Variants in PTPRK observed in about 807,000 individuals in gnomAD.
PTPRK encodes the protein receptor-type tyrosine-protein phosphatase kappa.
Under a neutral mutation model 178.0 loss-of-function variants are expected in PTPRK, and 75 were observed. The ratio of observed to expected loss-of-function variants is 0.42; its 90% CI spans 0.35 to 0.51. The LOEUF is 0.51. Among genes scored for constraint, PTPRK ranks in the 20% least tolerant of loss-of-function variants. PTPRK has a pLI of 0.02. For synonymous variants in PTPRK, 637 were observed against 620.6 expected (o/e 1.03, Z -0.39); for missense variants, 1,441 against 1,797.8 (o/e 0.80, Z 3.59).
chr6:127,971,686 G>A (rs751776270), intron 29 of PTPRK, among the ~76,000 whole-genome samples: 3 of 151,998 alleles, frequency 2.0e-5, no homozygotes, highest in East Asian at 1.9e-4. Flanking sequence ...GTAACTTTTT[G>A]GAAGGTCCCA....
intron 13 of PTPRK, among the ~76,000 whole-genome samples, chr6:128,052,130 T>C (rs1393189531): frequency 6.6e-6 from 1 of 152,330 alleles, no homozygotes; most frequent in Admixed American, 6.5e-5. Context: ...AATTCACTTA[T>C]ATGTTGGAAA....
intron 2 of PTPRK, among the ~76,000 whole-genome samples, chr6:128,375,593 C>T (rs893667696): frequency 7.9e-5 from 12 of 152,168 alleles, no homozygotes; most frequent in South Asian, 2.1e-4. Flanking sequence ...CCGGCCCCTC[C>T]GAAATCTCAT....
chr6:128,508,776 C>T (rs533330936), intron 1 of PTPRK, among the ~76,000 whole-genome samples: 1 of 151,952 alleles, frequency 6.6e-6, no homozygotes, highest in Non-Finnish European at 1.5e-5. Context: ...AATCCCGCCT[C>T]TACTAAAAAC....
chr6:128,235,151 GATA>G (rs1379053869), intron 5 of PTPRK, among the ~76,000 whole-genome samples: 1 of 151,830 alleles, frequency 6.6e-6, no homozygotes, highest in Non-Finnish European at 1.5e-5. Flanking sequence ...AGTATGTATT[GATA>G]ATAATTTGAT....
chr6:128,311,228 G>C (rs780351817), intron 3 of PTPRK, among the ~76,000 whole-genome samples: 1 of 152,070 alleles, frequency 6.6e-6, no homozygotes, highest in African/African-American at 2.4e-5. Flanking sequence ...TGCGAACAAC[G>C]CAACTTCATA....
chr6:128,389,538 AGAG>A (rs1839262504), intron 2 of PTPRK, among the ~76,000 whole-genome samples: 1 of 151,258 alleles, frequency 6.6e-6, no homozygotes, highest in East Asian at 1.9e-4. Flanking sequence ...TTATTTTTGG[AGAG>A]GAGAAGTATA....
rs578034379 is a variant in PTPRK at position 128,221,523 on chromosome 6, C to CA, written c.694-2428dup. 3.7e-3 allele frequency among the ~76,000 whole-genome samples: 456 copies of CA among 122,310 alleles called. 2 individuals are homozygous for CA. The highest frequency in any genetic ancestry group is 0.019 in the East Asian group (81 of 4,282). The allele number at this position is 122,310 out of a possible 152,430, so 80.2% of individuals were successfully genotyped here. A position where few individuals can be genotyped will look rare whatever the true frequency, so the allele number is the denominator to read the frequency against. On this transcript the variant is annotated intron_variant, in intron 5 of 29. Transcript: ENST00000368226. ...TGGGTGATAGAGCAAGATTCTGTCT[C>CA]AAAAAAAAAAAAAATAATAATAATA...
chr6:128,476,347 A>G (rs116481898), intron 1 of PTPRK, among the ~76,000 whole-genome samples: 166 of 152,202 alleles, frequency 1.1e-3, no homozygotes, highest in African/African-American at 3.9e-3. Context: ...TGTATATCAA[A>G]TCATCATATT....
intron 2 of PTPRK, among the ~76,000 whole-genome samples, chr6:128,351,701 A>G (rs1833159887): frequency 6.6e-6 from 1 of 152,330 alleles, no homozygotes; most frequent in East Asian, 1.9e-4. Context: ...GAAATCGTGC[A>G]ATGAAACTTA....
chr6:128,255,873 C>T (rs1431236713), intron 3 of PTPRK, among the ~76,000 whole-genome samples: 1 of 152,168 alleles, frequency 6.6e-6, no homozygotes, highest in Non-Finnish European at 1.5e-5. Context: ...ATGACAGTTT[C>T]AATCCTATAG....
chr6:128,278,181 G>A (rs1222666255), intron 3 of PTPRK, among the ~76,000 whole-genome samples: 4 of 150,352 alleles, frequency 2.7e-5, no homozygotes, highest in African/African-American at 9.8e-5. Context: ...ATTTGAGACG[G>A]AGTCTCGCAC....
At chr6:128,491,180 C>A (rs1393914701) in intron 1 of PTPRK, among the ~76,000 whole-genome samples, 1 of 152,294 alleles carries the variant, frequency 6.6e-6, no homozygotes, top group Non-Finnish European at 1.5e-5. Context: ...TTAGGCTAAG[C>A]CCCATTAAAT....
chr6:127,986,333 G>C (rs1775974764), intron 21 of PTPRK, among the ~76,000 whole-genome samples: 1 of 152,198 alleles, frequency 6.6e-6, no homozygotes, highest in Non-Finnish European at 1.5e-5. Flanking sequence ...AAATGGTTTT[G>C]AAGCATAGCA....
At chr6:128,439,942 T>C (rs1414181405) in intron 1 of PTPRK, among the ~76,000 whole-genome samples, 1 of 152,236 alleles carries the variant, frequency 6.6e-6, no homozygotes, top group Admixed American at 6.5e-5. Flanking sequence ...TTGAGTTAGC[T>C]GCCTGTAGAA....
At chr6:128,325,821 A>C (rs1829475057) in intron 2 of PTPRK, among the ~76,000 whole-genome samples, 1 of 152,202 alleles carries the variant, frequency 6.6e-6, no homozygotes, top group Non-Finnish European at 1.5e-5. Context: ...ATTACTATGT[A>C]TATATCCAAA....
At chr6:128,131,681 G>T (rs1277112351) in intron 7 of PTPRK, among the ~76,000 whole-genome samples, 1 of 152,150 alleles carries the variant, frequency 6.6e-6, no homozygotes, top group Non-Finnish European at 1.5e-5. Context: ...GTATCATTGT[G>T]CTTGTTTTAA....
chr6:128,278,136 T>TTTA (rs1486598641), intron 3 of PTPRK, among the ~76,000 whole-genome samples: 2 of 133,790 alleles, frequency 1.5e-5, no homozygotes, highest in African/African-American at 2.7e-5. Context: ...TATTTATTTA[T>TTTA]TTATTTATTT....
At chr6:128,396,958 A>T (rs527814213) in intron 2 of PTPRK, among the ~76,000 whole-genome samples, 9 of 152,202 alleles carry the variant, frequency 5.9e-5, no homozygotes, top group Non-Finnish European at 1.2e-4. Flanking sequence ...AGATCAGGCC[A>T]CTGCATTCCA....
chr6:128,514,370 ATGTG>A (rs146438569), intron 1 of PTPRK, among the ~76,000 whole-genome samples: 3,625 of 148,340 alleles, frequency 0.024, 38 homozygotes, highest in Non-Finnish European at 0.03. Context: ...CATTGTTAAG[ATGTG>A]TGTGTGTGTG....
Sources: allele counts gnomAD v4.1 joint callset (sites outside exome capture counted in the v4.1 genomes callset), GRCh38; gene constraint gnomAD v4.1.1; transcripts MANE v1.5; gene names NCBI Gene and HGNC (gene_info 2026-07-23, HGNC 2026-07-21).